The following ZNF3 variants were observed in gnomAD, a reference collection of about 807,000 sequenced individuals.
ZNF3 encodes C2-H2 type zinc finger protein.
In ZNF3, 16 loss-of-function variants were observed where a neutral mutation model predicts 36.9. The ratio of observed to expected loss-of-function variants is 0.43; its 90% CI spans 0.29 to 0.66. The LOEUF (loss-of-function observed/expected upper bound fraction) is 0.66. Among genes scored for constraint, ZNF3 ranks in the 30% least tolerant of loss-of-function variants. ZNF3 has a pLI of 0.13. For missense variants in ZNF3, 462 were observed against 543.1 expected (o/e 0.85, Z 1.48); for synonymous variants, 201 against 201.9 (o/e 1.00, Z 0.04).
In ZNF3 at chr7:100,070,875, G is replaced by GA. The variant is rs1793016464; in HGVS notation, c.*267dup. 2 of 1,227,440 alleles carry GA rather than the reference G, an allele frequency of 1.6e-6. No individual in the cohort carries two copies. Among genetic ancestry groups the GA allele is most frequent in the African/African-American group, 3.1e-5 (2 of 65,250 alleles). The allele number at this position is 1,227,440 out of a possible 1,614,324, so 76.0% of individuals were successfully genotyped here. On this transcript the variant is annotated 3_prime_UTR_variant, in exon 6 of 6. Transcript: ENST00000299667. Reference sequence around the variant, plus strand: ...CCTTGGAAAGGTTCCTCTGCTGTGAGAAAAACAGTTTAGTGCAAACTCCTT... The same window carrying GA: ...CCTTGGAAAGGTTCCTCTGCTGTGAGAAAAAACAGTTTAGTGCAAACTCCTT...
At position 100,071,416 on chromosome 7, in the gene ZNF3, A is replaced by G; in HGVS notation, c.1068T>C (p.Tyr356=). The G allele has an allele frequency of 6.2e-7, 1 of 1,614,176 alleles. No homozygotes were observed. The highest frequency in any genetic ancestry group is 8.5e-7 in the Non-Finnish European group (1 of 1,180,026). Reference sequence around the variant, plus strand: ...CTCCAGTGTGGATTCTCTGGTGCTGATAGAGGTGTGAGCTCTGGCTGAAGG... The same window carrying G: ...CTCCAGTGTGGATTCTCTGGTGCTGGTAGAGGTGTGAGCTCTGGCTGAAGG... The part of the protein sequence containing the change: ...GKAFSQSSHL[Y]QHQRIHTGEK... The change falls in exon 6 of 6, where the codon TAT becomes TAC. Residue 356 remains tyrosine, a synonymous_variant. Coordinates refer to ENST00000299667, the MANE Select transcript of ZNF3 (RefSeq NM_032924.5).
At chr7:100,066,786 A>G (rs1041690890), downstream of ZNF3, among the ~76,000 whole-genome samples, 6 of 151,734 alleles carry the variant, frequency 4.0e-5, no homozygotes, top group African/African-American at 1.5e-4. Context: ...TGTAATCCCA[A>G]CACTTTGGGA....
In ZNF3 at chr7:100,075,075, T is replaced by A. The variant is rs1017937133; in HGVS notation, c.271+60A>T. The A allele has an allele frequency of 7.2e-6, 11 of 1,535,712 alleles. No homozygotes were observed. The African/African-American group carries it at 1.5e-4, about 21-fold the overall frequency. On this transcript the variant is annotated intron_variant, in intron 5 of 5. Coordinates refer to ENST00000299667, the MANE Select transcript of ZNF3 (RefSeq NM_032924.5). ...CTCTTTTCAGTGACTAGATTGTTAC[T>A]AGCAAACGAAGAAGCAAAGAAACAC...
At chr7:100,074,191 G>A (rs1208980446) in intron 5 of ZNF3, among the ~76,000 whole-genome samples, 1 of 152,030 alleles carries the variant, frequency 6.6e-6, no homozygotes, top group Non-Finnish European at 1.5e-5. Flanking sequence ...TTAAAGACTG[G>A]GCCCCAAGTT....
intron 2 of ZNF3, among the ~76,000 whole-genome samples, chr7:100,078,495 C>CAA (rs532938420): frequency 3.4e-5 from 3 of 88,908 alleles, no homozygotes; most frequent in Admixed American, 2.6e-4. Context: ...GACTCTGCCT[C>CAA]AAAAAAAAAA....
chr7:100,071,357 T>C lies in ZNF3; in HGVS notation c.1127A>G (p.Lys376Arg). Residue 376 changes from lysine (K) to arginine (R), a missense_variant, in exon 6 of 6, where the codon AAG becomes AGG. Physicochemically the swap from Lys to Arg is conservative, Grantham distance 26. Transcript: ENST00000299667. ...KPYECMECGG[K>R]FTYSSGLIQH... The stretch of plus-strand genomic sequence containing the variant: ...AATAAGGCCTGAACTGTAGGTAAAC[T>C]TTCCTCCACATTCCATACATTCGTA... 6.2e-7 allele frequency: 1 copy of C among 1,613,782 alleles called. No homozygotes were observed. The highest frequency in any genetic ancestry group is 8.5e-7 in the Non-Finnish European group (1 of 1,179,946).
At chr7:100,075,294 G>C in intron 4 of ZNF3, 33 bp from the exon 5 acceptor site, 1 of 1,613,802 alleles carries the variant, frequency 6.2e-7, no homozygotes, top group Non-Finnish European at 8.5e-7. Context: ...GCAATTTCAG[G>C]GTGAGGAATG....
chr7:100,080,070 T>G (rs1263545204), intron 1 of ZNF3, among the ~76,000 whole-genome samples: 1 of 152,104 alleles, frequency 6.6e-6, no homozygotes, highest in South Asian at 2.1e-4. Flanking sequence ...TATATGCTAA[T>G]AAATACCAAT....
At chr7:100,066,091 T>C (rs916264723), downstream of ZNF3, among the ~76,000 whole-genome samples, 7 of 151,890 alleles carry the variant, frequency 4.6e-5, no homozygotes, top group Admixed American at 4.6e-4. Flanking sequence ...GGATTCCAGA[T>C]CTCAGAACTG....
rs1409615670 is a variant in ZNF3 at position 100,071,097 on chromosome 7, G to T, written c.*46C>A. 1 of 1,536,214 alleles carries T rather than the reference G, an allele frequency of 6.5e-7. No homozygotes were observed. The highest frequency in any genetic ancestry group is 1.3e-5 in the South Asian group (1 of 77,114). On this transcript the variant is annotated 3_prime_UTR_variant, in exon 6 of 6. Coordinates refer to ENST00000299667, the MANE Select transcript of ZNF3 (RefSeq NM_032924.5). ...TTGAGATTTATAGGGTAAGGCAAGAGCTCTTGAGACTCAGGGAAAGTGAGG... is the reference window on the plus strand; with the variant it reads ...TTGAGATTTATAGGGTAAGGCAAGATCTCTTGAGACTCAGGGAAAGTGAGG...
At chr7:100,068,638 C>CA (rs35298023), downstream of ZNF3, among the ~76,000 whole-genome samples, 41,924 of 143,684 alleles carry the variant, frequency 0.29, 5,944 homozygotes, top group East Asian at 0.4. Flanking sequence ...GACTCCATCT[C>CA]AAAAAAAAAA....
chr7:100,077,250 T>A, intron 3 of ZNF3, 53 bp downstream of exon 3: 1 of 1,611,114 alleles, frequency 6.2e-7, no homozygotes, highest in Non-Finnish European at 8.5e-7. Flanking sequence ...GCGATTTCAA[T>A]GGATGATTGC....
chr7:100,079,337 T>C (rs1490395326), intron 2 of ZNF3, among the ~76,000 whole-genome samples, 199 bp downstream of exon 2: 1 of 152,190 alleles, frequency 6.6e-6, no homozygotes, highest in African/African-American at 2.4e-5. Flanking sequence ...CTCAAAGGCA[T>C]ATTGTTGAGA....
At chr7:100,064,206 T>C (rs1792509348) in exon 6 of ZNF3, 1 of 1,613,732 alleles carries the variant, frequency 6.2e-7, no homozygotes, top group Non-Finnish European at 8.5e-7. Context: ...ACTGTAAGTG[T>C]GGAAAAGCTT....
rs1793144719 is a variant in ZNF3, at chr7:100,071,506, G to A, written c.978C>T (p.Thr326=). The A allele has an allele frequency of 1.2e-6, 2 of 1,613,962 alleles. No individual in the cohort carries two copies. The highest frequency in any genetic ancestry group is 2.2e-5 in the South Asian group (2 of 91,082). The change falls in exon 6 of 6, where the codon ACC becomes ACT. Residue 326 remains threonine (T), a synonymous_variant. Coordinates refer to ENST00000299667, the MANE Select transcript of ZNF3 (RefSeq NM_032924.5). The part of the protein sequence containing the change: ...ECGKAFSRSS[T]LIHHQRIHTG... ...TGTGGATTCTCTGATGGTGAATAAG[G>A]GTTGAGCTCCTGCTGAAGGCCTTCC...
At chr7:100,080,080 T>G (rs779181411) in intron 1 of ZNF3, among the ~76,000 whole-genome samples, 2 of 151,916 alleles carry the variant, frequency 1.3e-5, no homozygotes, top group Non-Finnish European at 2.9e-5. Context: ...TAAATACCAA[T>G]TAAGACCACC....
At position 100,071,407 on chromosome 7, in the gene ZNF3, C is replaced by T. The variant is rs776147740; in HGVS notation, c.1077G>A (p.Gln359=). The part of the protein sequence containing the change: ...FSQSSHLYQH[Q]RIHTGEKPYE... ...AGGGCTTCTCTCCAGTGTGGATTCTCTGGTGCTGATAGAGGTGTGAGCTCT... is the reference window on the plus strand; with the variant it reads ...AGGGCTTCTCTCCAGTGTGGATTCTTTGGTGCTGATAGAGGTGTGAGCTCT... The change falls in exon 6 of 6, where the codon CAG becomes CAA. Residue 359 remains glutamine (Q), a synonymous_variant. Transcript: ENST00000299667. 1 of 1,614,250 alleles carries T rather than the reference C, an allele frequency of 6.2e-7. No individual in the cohort carries two copies. Among genetic ancestry groups the T allele is most frequent in the Admixed American group, 1.7e-5 (1 of 60,016 alleles).
intron 5 of ZNF3, 25 bp downstream of exon 5, chr7:100,075,110 T>C: frequency 6.4e-7 from 1 of 1,565,742 alleles, no homozygotes; most frequent in Non-Finnish European, 8.7e-7. Flanking sequence ...CCAGCGAGTT[T>C]TGTTGACAAG....
chr7:100,066,379 C>T (rs555061704), downstream of ZNF3, among the ~76,000 whole-genome samples: 1 of 152,164 alleles, frequency 6.6e-6, no homozygotes, highest in African/African-American at 2.4e-5. Context: ...AGTTCGAGAC[C>T]AGCCTGGGCA....
Sources: gnomAD v4.1 joint callset for allele counts (sites outside exome capture counted in the v4.1 genomes callset) on GRCh38, gnomAD v4.1.1 for gene constraint, MANE v1.5 for transcripts, NCBI Gene and HGNC (gene_info 2026-07-23, HGNC 2026-07-21) for gene names.